Variants in VPS13B observed in about 807,000 individuals in gnomAD.
VPS13B encodes the protein intermembrane lipid transfer protein VPS13B.
A neutral mutation model predicts 426.4 loss-of-function variants in VPS13B; 285 were observed. The observed-to-expected ratio is 0.67, with a 90% CI of 0.61 to 0.74. VPS13B has a LOEUF of 0.74. VPS13B is among the 30% of genes least tolerant of loss of function. The probability of loss-of-function intolerance (pLI) is 0.00; values close to 1 mark genes in which losing one functional copy is unlikely to be tolerated. For synonymous variants in VPS13B, 1,676 were observed against 1,676.4 expected (o/e 1.00, Z 0.01); for missense variants, 4,537 against 4,782.6 (o/e 0.95, Z 1.51).
rs1367772810 is a variant in VPS13B at position 99,702,002 on chromosome 8, ATAACT to A, written c.6454+2074_6454+2078del. ...TTTAACTGTATTTTTAAAATAAAAC[ATAACT>A]TAAGTTTTGAATGTTAATTTCATTG... On this transcript the variant is annotated intron_variant, in intron 36 of 61. Coordinates refer to ENST00000357162, the MANE Select transcript of VPS13B (RefSeq NM_152564.5). Among the ~76,000 whole-genome samples, 10 of 152,270 alleles carry A rather than the reference ATAACT, an allele frequency of 6.6e-5. No individual in the cohort carries two copies. In the East Asian group the frequency reaches 7.7e-4, roughly 12 times the overall value.
chr8:99,823,236 G>A (rs954473709), intron 50 of VPS13B, among the ~76,000 whole-genome samples: 4 of 152,170 alleles, frequency 2.6e-5, no homozygotes, highest in Non-Finnish European at 4.4e-5. Context: ...TTCCTCTTCT[G>A]TAAAATGGGG....
rs561545895 is a variant in VPS13B, at chr8:99,583,961, C to T, written c.5220+6328C>T. 1.4e-4 allele frequency among the ~76,000 whole-genome samples: 22 copies of T among 152,112 alleles called. No individual in the cohort carries two copies. In the South Asian group the frequency reaches 4.2e-3, roughly 29 times the overall value. On this transcript the variant is annotated intron_variant, in intron 33 of 61. Transcript: ENST00000357162. Reference sequence around the variant, plus strand: ...TAGGAAAGGAGATGGGAATTTTGGACGATATGCATAGGGTGACCTCCTATT... The same window carrying T: ...TAGGAAAGGAGATGGGAATTTTGGATGATATGCATAGGGTGACCTCCTATT...
At chr8:99,359,770 A>G (rs1220191900) in intron 19 of VPS13B, among the ~76,000 whole-genome samples, 1 of 152,220 alleles carries the variant, frequency 6.6e-6, no homozygotes. Context: ...CCTCTACATT[A>G]GAATCAGCGT....
Position 99,142,872 on chromosome 8 carries a change from G to T in VPS13B, c.1652-102G>T, listed in dbSNP as rs1032047266. 9 of 1,220,938 alleles carry T rather than the reference G, an allele frequency of 7.4e-6. No individual in the cohort carries two copies. In the African/African-American group the frequency reaches 1.4e-4, roughly 19 times the overall value. The allele number at this position is 1,220,938 out of a possible 1,614,324, so 75.6% of individuals were successfully genotyped here. A position where few individuals can be genotyped will look rare whatever the true frequency, so the allele number is the denominator to read the frequency against. ...GCAGCTGATTGGGAATTTGTTTTAA[G>T]GCATTAAGCTACAAGCTATAAAAAT... On this transcript the variant is annotated intron_variant, in intron 12 of 61. Transcript: ENST00000357162.
intron 17 of VPS13B, among the ~76,000 whole-genome samples, chr8:99,220,001 G>A (rs1815618608): frequency 6.6e-6 from 1 of 152,038 alleles, no homozygotes; most frequent in Admixed American, 6.5e-5. Flanking sequence ...ACTGGTGTTG[G>A]GCAAATCAGA....
At chr8:99,399,052 T>C (rs956814079) in intron 21 of VPS13B, among the ~76,000 whole-genome samples, 1 of 152,136 alleles carries the variant, frequency 6.6e-6, no homozygotes, top group African/African-American at 2.4e-5. Context: ...TTATATAATA[T>C]GCAATTTATT....
chr8:99,070,231 G>A (rs1207678521), intron 3 of VPS13B, among the ~76,000 whole-genome samples: 2 of 152,054 alleles, frequency 1.3e-5, no homozygotes, highest in Admixed American at 6.6e-5. Context: ...ATTTTTTTTA[G>A]TTCTTCGATT....
intron 21 of VPS13B, among the ~76,000 whole-genome samples, chr8:99,392,866 A>G (rs2133315705): frequency 6.6e-6 from 1 of 152,220 alleles, no homozygotes; most frequent in Non-Finnish European, 1.5e-5. Flanking sequence ...TCAATTGACA[A>G]AAATGCCTGT....
chr8:99,188,574 C>G (rs1813357642), intron 16 of VPS13B, among the ~76,000 whole-genome samples: 1 of 152,124 alleles, frequency 6.6e-6, no homozygotes, highest in Non-Finnish European at 1.5e-5. Flanking sequence ...TTTCAGTCCT[C>G]TTGGGTATGT....
intron 35 of VPS13B, among the ~76,000 whole-genome samples, chr8:99,667,848 C>T (rs183313107): frequency 7.2e-5 from 11 of 152,194 alleles, no homozygotes; most frequent in Non-Finnish European, 1.0e-4. Context: ...ATTTTGGCAA[C>T]TCAAGGAAAT....
At position 99,620,370 on chromosome 8, in the gene VPS13B, T is replaced by G. The variant is rs565973223; in HGVS notation, c.5221-21441T>G. ...GAAATACGCAGTCTAAAATACTGGG[T>G]TTCCTGCATTGAAACTCCTTGGCCT... On this transcript the variant is annotated intron_variant, in intron 33 of 61. Transcript: ENST00000357162. Among the ~76,000 whole-genome samples the G allele has an allele frequency of 8.2e-4, 125 of 152,254 alleles. 2 individuals carry two copies. Among genetic ancestry groups the G allele is most frequent in the Admixed American group, 7.5e-3 (114 of 15,292 alleles).
intron 33 of VPS13B, among the ~76,000 whole-genome samples, chr8:99,601,047 C>T (rs1219857902): frequency 6.6e-6 from 1 of 151,848 alleles, no homozygotes; most frequent in Non-Finnish European, 1.5e-5. Flanking sequence ...ATGTGCAGAA[C>T]GTACAGGTTT....
At chr8:99,808,092 T>C (rs546098192) in intron 43 of VPS13B, among the ~76,000 whole-genome samples, 22 of 152,140 alleles carry the variant, frequency 1.4e-4, no homozygotes, top group Non-Finnish European at 2.6e-4. Context: ...CAGGAGGTTT[T>C]CAAAGTTTTA....
chr8:99,173,190 G>T (rs1812450826), intron 16 of VPS13B, among the ~76,000 whole-genome samples: 1 of 152,098 alleles, frequency 6.6e-6, no homozygotes, highest in Non-Finnish European at 1.5e-5. Context: ...AAATGCTTCT[G>T]TGAAATCTTT....
chr8:99,659,321 A>G (rs1830136400), intron 34 of VPS13B, among the ~76,000 whole-genome samples: 1 of 152,068 alleles, frequency 6.6e-6, no homozygotes, highest in Non-Finnish European at 1.5e-5. Context: ...GTTGGTACCT[A>G]TATTGAATAT....
At chr8:99,431,131 T>G (rs1375924939) in intron 21 of VPS13B, among the ~76,000 whole-genome samples, 2 of 152,244 alleles carry the variant, frequency 1.3e-5, no homozygotes, top group African/African-American at 4.8e-5. Context: ...TGCTTTTTAG[T>G]TGAATTTCTC....
intron 36 of VPS13B, among the ~76,000 whole-genome samples, chr8:99,713,071 A>G (rs2130286949): frequency 6.6e-6 from 1 of 152,322 alleles, no homozygotes; most frequent in South Asian, 2.1e-4. Flanking sequence ...AGTATTTAGC[A>G]CAATATCAGT....
intron 43 of VPS13B, among the ~76,000 whole-genome samples, chr8:99,794,378 G>A (rs1812701630): frequency 1.3e-5 from 2 of 152,154 alleles, no homozygotes; most frequent in South Asian, 2.1e-4. Context: ...ATAGGCATAC[G>A]ATAACTACAG....
chr8:99,330,966 T>C (rs1018813087), intron 19 of VPS13B, among the ~76,000 whole-genome samples: 1 of 151,868 alleles, frequency 6.6e-6, no homozygotes, highest in African/African-American at 2.4e-5. Flanking sequence ...CTTGTATTCC[T>C]GGTAAGAATT....
Sources: gnomAD v4.1 joint callset for allele counts (sites outside exome capture counted in the v4.1 genomes callset) on GRCh38, gnomAD v4.1.1 for gene constraint, MANE v1.5 for transcripts, NCBI Gene and HGNC (gene_info 2026-07-23, HGNC 2026-07-21) for gene names.